DPP6: variants seen among roughly 807,000 people sequenced by gnomAD.
DPP6 encodes the protein dipeptidyl peptidase like 6.
A neutral mutation model predicts 122.6 loss-of-function variants in DPP6; 69 were observed. The observed-to-expected ratio is 0.56, with a 90% CI of 0.46 to 0.69. DPP6 has a LOEUF of 0.69. DPP6 is among the 30% of genes least tolerant of loss of function. DPP6 has a pLI of 0.00. For missense variants in DPP6, 928 were observed against 1,116.9 expected, an observed-to-expected ratio of 0.83 and a Z score of 2.41; for synonymous variants, 418 against 433.1, an observed-to-expected ratio of 0.97 and a Z score of 0.43.
At position 154,399,711 on chromosome 7, in the gene DPP6, A is replaced by G. The variant is rs191193784; in HGVS notation, c.244-46503A>G. ...CCTGATAGGGCATGAGAGTTACTGC[A>G]GAGAGGTGGATGCATGGGAGAACGC... On this transcript the variant is annotated intron_variant, in intron 1 of 25. Transcript: ENST00000377770. 2.6e-5 allele frequency among the ~76,000 whole-genome samples: 4 copies of G among 152,270 alleles called. No homozygotes were observed. In the East Asian group the frequency reaches 7.7e-4, roughly 29 times the overall value.
intron 1 of DPP6, among the ~76,000 whole-genome samples, chr7:154,124,763 G>A (rs1807753984): frequency 6.6e-6 from 1 of 152,202 alleles, no homozygotes; most frequent in African/African-American, 2.4e-5. Flanking sequence ...CGGGAGGATG[G>A]GGGTAAGTGT....
At position 154,821,416 on chromosome 7, in the gene DPP6, T is replaced by A. The variant is rs1799749709; in HGVS notation, c.1666+14304T>A. On this transcript the variant is annotated intron_variant, in intron 16 of 25. Transcript: ENST00000377770. This position sits in a 1 kb window ranked among gnomAD's most constrained non-coding sequence, Gnocchi z 4.2. ...CCAACATGGATAGACAGATAATAGATGAGAGGGAAATGACTGACCGATTGA... is the reference window on the plus strand; with the variant it reads ...CCAACATGGATAGACAGATAATAGAAGAGAGGGAAATGACTGACCGATTGA... Among the ~76,000 whole-genome samples, 1 of 151,914 alleles carries A rather than the reference T, an allele frequency of 6.6e-6. No homozygotes were observed. Among genetic ancestry groups the A allele is most frequent in the South Asian group, 2.1e-4 (1 of 4,808 alleles).
intron 1 of DPP6, among the ~76,000 whole-genome samples, chr7:154,163,879 G>A (rs148557163): frequency 9.3e-3 from 1,215 of 131,032 alleles, no homozygotes; most frequent in Middle Eastern, 0.016. Context: ...TACAGGGCAC[G>A]CCTTCTTCCT....
chr7:154,504,221 T>C (rs1291473983), intron 3 of DPP6, among the ~76,000 whole-genome samples: 1 of 152,166 alleles, frequency 6.6e-6, no homozygotes, highest in Non-Finnish European at 1.5e-5. Flanking sequence ...AGCTGGAGAA[T>C]TGATGGCGAG....
At chr7:154,110,661 G>A (rs1806507189) in intron 1 of DPP6, among the ~76,000 whole-genome samples, 1 of 151,998 alleles carries the variant, frequency 6.6e-6, no homozygotes, top group Non-Finnish European at 1.5e-5. Flanking sequence ...CACAGGAACA[G>A]CCAGCCCCAA....
intron 1 of DPP6, among the ~76,000 whole-genome samples, 167 bp downstream of exon 1, chr7:154,053,230 C>T: frequency 0.019 from 1 of 54 alleles, no homozygotes; most frequent in Admixed American, 0.17. Flanking sequence ...AGATCGCGGT[C>T]ACCGCGTCCC....
chr7:153,998,092 A>T (rs1797527185), intron 1 of DPP6, among the ~76,000 whole-genome samples: 1 of 151,520 alleles, frequency 6.6e-6, no homozygotes, highest in Non-Finnish European at 1.5e-5. Flanking sequence ...ATTGGAAGGA[A>T]TATCAGCATC....
chr7:154,503,404 G>A (rs1825412736), intron 3 of DPP6, among the ~76,000 whole-genome samples: 1 of 152,104 alleles, frequency 6.6e-6, no homozygotes, highest in Admixed American at 6.6e-5. Context: ...CTGCCTCTCA[G>A]CCATTCCTTT....
At chr7:154,146,618 C>T (rs965500223) in intron 1 of DPP6, among the ~76,000 whole-genome samples, 1 of 152,272 alleles carries the variant, frequency 6.6e-6, no homozygotes, top group African/African-American at 2.4e-5. Flanking sequence ...GGCTCAGACT[C>T]ATGTTGCCAT....
chr7:154,735,025 A>G (rs539147681), intron 8 of DPP6, among the ~76,000 whole-genome samples: 1 of 152,354 alleles, frequency 6.6e-6, no homozygotes, highest in Admixed American at 6.5e-5. Flanking sequence ...TTCATTTGCA[A>G]TGTCAGGAAT....
At position 154,060,475 on chromosome 7, in the gene DPP6, C is replaced by T. The variant is rs902103337; in HGVS notation, c.243+7412C>T. ...ACCCTCTTCCCCCTCTGGCTTAGGA[C>T]CTCCATCGTTGATCCTAAGATCCTT... is the stretch of plus-strand genomic sequence containing the variant. On this transcript the variant is annotated intron_variant, in intron 1 of 25. Coordinates refer to ENST00000377770, the MANE Select transcript of DPP6 (RefSeq NM_130797.4). Among the ~76,000 whole-genome samples the T allele has an allele frequency of 6.8e-5, 9 of 132,532 alleles. 3 individuals are homozygous for T. The highest frequency in any genetic ancestry group is 2.8e-4 in the African/African-American group (9 of 32,516). The allele number at this position is 132,532 out of a possible 152,430, so 86.9% of individuals were successfully genotyped here.
chr7:154,234,733 G>A (rs908582577), intron 1 of DPP6, among the ~76,000 whole-genome samples: 1 of 152,110 alleles, frequency 6.6e-6, no homozygotes, highest in African/African-American at 2.4e-5. Flanking sequence ...GAGCTCATCT[G>A]GACTTGCCAT....
At chr7:153,930,440 CTATTGTATTG>C (rs370594648) in intron 1 of DPP6, among the ~76,000 whole-genome samples, 21 of 152,148 alleles carry the variant, frequency 1.4e-4, no homozygotes, top group African/African-American at 4.3e-4. Context: ...GATATGGCTC[CTATTGTATTG>C]TATTGTATTG....
At chr7:154,049,158 C>A (rs1284391678), upstream of DPP6, among the ~76,000 whole-genome samples, 3 of 150,478 alleles carry the variant, frequency 2.0e-5, no homozygotes, top group Admixed American at 1.3e-4. Context: ...GAATAAAAAT[C>A]TGCTTCATCG....
In DPP6 at chr7:154,070,982, A is replaced by G. The variant is rs145019197; in HGVS notation, c.243+17919A>G. 7.2e-3 allele frequency among the ~76,000 whole-genome samples: 1,099 copies of G among 152,318 alleles called. 13 individuals carry two copies. The highest frequency in any genetic ancestry group is 0.025 in the African/African-American group (1,027 of 41,572). On this transcript the variant is annotated intron_variant, in intron 1 of 25. Coordinates refer to ENST00000377770, the MANE Select transcript of DPP6 (RefSeq NM_130797.4). ...GGAACGCTTGAATATAAAACCAATC[A>G]AGACAACATATAGTATGAAATAGTA...
intron 1 of DPP6, among the ~76,000 whole-genome samples, chr7:154,115,759 A>T (rs1806940456): frequency 1.3e-5 from 2 of 152,176 alleles, no homozygotes; most frequent in Admixed American, 6.5e-5. Flanking sequence ...CAGCACTTTC[A>T]ATTGTAAGGT....
At chr7:154,651,788 T>C (rs539267998) in intron 6 of DPP6, among the ~76,000 whole-genome samples, 6 of 152,180 alleles carry the variant, frequency 3.9e-5, no homozygotes, top group Non-Finnish European at 8.8e-5. Context: ...AAGGAAATCC[T>C]GGGCCAACAT....
intron 4 of DPP6, among the ~76,000 whole-genome samples, chr7:154,565,833 G>A (rs1458244453): frequency 6.6e-6 from 1 of 152,150 alleles, no homozygotes; most frequent in African/African-American, 2.4e-5. Flanking sequence ...CCAATGTGAT[G>A]TCATTTCTAA....
intron 1 of DPP6, among the ~76,000 whole-genome samples, chr7:154,226,329 G>GAGTTGATGAATGTCAAATGATAGTTTC (rs1800601360): frequency 6.6e-6 from 1 of 152,158 alleles, no homozygotes; most frequent in African/African-American, 2.4e-5. Flanking sequence ...TGCCAGATGT[G>GAGTTGATGAATGTCAAATGATAGTTTC]AGTTGATGAA....
Sources: allele counts gnomAD v4.1 joint callset (sites outside exome capture counted in the v4.1 genomes callset), GRCh38; gene constraint gnomAD v4.1.1; non-coding constraint Gnocchi (gnomAD v3.1); transcripts MANE v1.5; gene names NCBI Gene and HGNC (gene_info 2026-07-23, HGNC 2026-07-21).